AP1S3: variants seen among roughly 807,000 people sequenced by gnomAD.
AP1S3 encodes AP-1 complex subunit sigma-3.
In AP1S3, 10 loss-of-function variants were observed where a neutral mutation model predicts 20.9. The ratio of observed to expected loss-of-function variants is 0.48; its 90% CI spans 0.29 to 0.81. The LOEUF (loss-of-function observed/expected upper bound fraction) is 0.81, where lower values mean the gene tolerates loss of function less well. AP1S3 is among the 30% of genes least tolerant of loss of function. AP1S3 has a pLI of 0.08. For synonymous variants in AP1S3, 41 were observed against 61.5 expected, an observed-to-expected ratio of 0.67 and a Z score of 1.56; for missense variants, 154 against 183.8, an observed-to-expected ratio of 0.84 and a Z score of 0.94.
intron 1 of AP1S3, among the ~76,000 whole-genome samples, chr2:223,810,313 TTTTC>T (rs1691691671): frequency 6.6e-6 from 1 of 151,958 alleles, no homozygotes; most frequent in Non-Finnish European, 1.5e-5. Flanking sequence ...TCTTTTGTAA[TTTTC>T]TTTTTCTTTT....
At chr2:223,807,628 C>A (rs569201496) in intron 1 of AP1S3, among the ~76,000 whole-genome samples, 1 of 152,008 alleles carries the variant, frequency 6.6e-6, no homozygotes, top group African/African-American at 2.4e-5. Flanking sequence ...GCTGTTCTTG[C>A]GATAGTAAGT....
rs1190582393 is a variant in AP1S3, at chr2:223,808,743, C to T, written c.3+28705G>A. On this transcript the variant is annotated intron_variant, in intron 1 of 4. Transcript: ENST00000396654. The stretch of plus-strand genomic sequence containing the variant: ...AGGCTTGGCTGGGCACAGAAGCTCA[C>T]GCCTGTAATTCCAGCAATTTGAGAA... 3.3e-5 allele frequency among the ~76,000 whole-genome samples: 5 copies of T among 152,346 alleles called. No homozygotes were observed. In the East Asian group the frequency reaches 5.8e-4, roughly 18 times the overall value.
Position 223,758,578 on chromosome 2 carries a change from CTTTG to C in AP1S3, c.*133_*136del. The C allele has an allele frequency of 1.5e-6, 2 of 1,357,704 alleles. No homozygotes were observed. The highest frequency in any genetic ancestry group is 1.9e-6 in the Non-Finnish European group (2 of 1,053,316). The allele number at this position is 1,357,704 out of a possible 1,614,324, so 84.1% of individuals were successfully genotyped here. A position where few individuals can be genotyped will look rare whatever the true frequency, so the allele number is the denominator to read the frequency against. ...TTATAAATATGTTAAACAACTTTAA[CTTTG>C]TTAGTTAACAAAGAATCCCTTTAAA... On this transcript the variant is annotated 3_prime_UTR_variant, in exon 5 of 5. Coordinates refer to ENST00000396654, the MANE Select transcript of AP1S3 (RefSeq NM_001039569.2).
intron 1 of AP1S3, among the ~76,000 whole-genome samples, chr2:223,786,568 A>G (rs1265839340): frequency 6.6e-6 from 1 of 152,016 alleles, no homozygotes; most frequent in East Asian, 1.9e-4. Flanking sequence ...AGCCTGGGCA[A>G]CATAGTGAGA....
chr2:223,807,786 T>A (rs1691619148), intron 1 of AP1S3, among the ~76,000 whole-genome samples: 1 of 151,670 alleles, frequency 6.6e-6, no homozygotes, highest in Admixed American at 6.6e-5. Flanking sequence ...TCGAGCATGC[T>A]TCCTGTATAG....
At chr2:223,771,846 C>T (rs1338698884) in intron 3 of AP1S3, among the ~76,000 whole-genome samples, 1 of 152,224 alleles carries the variant, frequency 6.6e-6, no homozygotes, top group African/African-American at 2.4e-5. Context: ...GTGGCTCACG[C>T]CTGTAATCCC....
intron 3 of AP1S3, among the ~76,000 whole-genome samples, chr2:223,775,282 A>C (rs549639268): frequency 6.6e-6 from 1 of 152,346 alleles, no homozygotes; most frequent in African/African-American, 2.4e-5. Context: ...AAAATGCAAA[A>C]AGATTATTGC....
intron 1 of AP1S3, among the ~76,000 whole-genome samples, chr2:223,797,316 A>G (rs1253564445): frequency 6.6e-6 from 1 of 152,228 alleles, no homozygotes; most frequent in East Asian, 1.9e-4. Context: ...AGCTCCAACG[A>G]AAGCCGCAGC....
At chr2:223,781,069 T>C (rs1425148270) in intron 1 of AP1S3, among the ~76,000 whole-genome samples, 2 of 152,140 alleles carry the variant, frequency 1.3e-5, no homozygotes, top group East Asian at 1.9e-4. Context: ...TTAATTCCCT[T>C]AGGATAACGG....
At chr2:223,823,846 T>C (rs561333384) in intron 1 of AP1S3, among the ~76,000 whole-genome samples, 1 of 152,340 alleles carries the variant, frequency 6.6e-6, no homozygotes, top group East Asian at 1.9e-4. Flanking sequence ...AACAGCTTGT[T>C]GTACGGTGTA....
chr2:223,792,075 A>G (rs1050638503), intron 1 of AP1S3, among the ~76,000 whole-genome samples: 3 of 152,232 alleles, frequency 2.0e-5, no homozygotes, highest in African/African-American at 7.2e-5. Flanking sequence ...CATATTGCAC[A>G]AAGCAATGTA....
At chr2:223,810,090 T>C (rs1442479192) in intron 1 of AP1S3, among the ~76,000 whole-genome samples, 1 of 152,166 alleles carries the variant, frequency 6.6e-6, no homozygotes, top group African/African-American at 2.4e-5. Flanking sequence ...GGGGCAATGA[T>C]GTTTGTCCCT....
intron 1 of AP1S3, among the ~76,000 whole-genome samples, chr2:223,784,260 C>G (rs757769818): frequency 9.2e-5 from 14 of 152,248 alleles, no homozygotes; most frequent in Non-Finnish European, 1.9e-4. Context: ...TTTGATCCCC[C>G]ACGTGGGTCA....
chr2:223,777,543 T>C, intron 2 of AP1S3, 148 bp downstream of exon 2: 1 of 669,952 alleles, frequency 1.5e-6, no homozygotes, highest in Non-Finnish European at 2.4e-6. Context: ...AGAGTTCTTT[T>C]CTAGTTAGTC....
chr2:223,788,026 G>A (rs754884529), intron 1 of AP1S3, among the ~76,000 whole-genome samples: 37 of 151,452 alleles, frequency 2.4e-4, no homozygotes, highest in African/African-American at 6.1e-4. Flanking sequence ...GTGTGATCTC[G>A]GCTCGCCCAG....
intron 1 of AP1S3, among the ~76,000 whole-genome samples, chr2:223,806,723 CTG>C (rs369743824): frequency 1.3e-5 from 2 of 150,648 alleles, no homozygotes; most frequent in East Asian, 1.9e-4. Context: ...AAACATATAC[CTG>C]TGTGTGTGTG....
intron 1 of AP1S3, among the ~76,000 whole-genome samples, chr2:223,788,531 A>T (rs2106100670): frequency 6.6e-6 from 1 of 150,740 alleles, no homozygotes; most frequent in African/African-American, 2.4e-5. Flanking sequence ...AGGTGGGTGG[A>T]TCACAAGTTC....
chr2:223,828,056 TCTAAAAAAAAAAAAAAAAAAAAA>T (rs1692172650), intron 1 of AP1S3, among the ~76,000 whole-genome samples: 1 of 68,392 alleles, frequency 1.5e-5, no homozygotes, highest in African/African-American at 5.8e-5. Flanking sequence ...CAAGACTTCA[TCTAAAAAAAAAAAAAAAAAAAAA>T]AAAAAAAAAA....
chr2:223,825,782 C>T (rs942291047), intron 1 of AP1S3, among the ~76,000 whole-genome samples: 5 of 152,104 alleles, frequency 3.3e-5, no homozygotes, highest in African/African-American at 9.7e-5. Flanking sequence ...TTTGGGAGGC[C>T]GAGGTGGGTG....
Sources: gnomAD v4.1 joint callset for allele counts (sites outside exome capture counted in the v4.1 genomes callset) on GRCh38, gnomAD v4.1.1 for gene constraint, MANE v1.5 for transcripts, NCBI Gene and HGNC (gene_info 2026-07-23, HGNC 2026-07-21) for gene names.